The following DNM1 variants were observed in gnomAD, a reference collection of about 807,000 sequenced individuals.
DNM1 encodes dynamin 1.
A neutral mutation model predicts 104.6 loss-of-function variants in DNM1; 29 were observed. The ratio of observed to expected loss-of-function variants is 0.28; its 90% CI spans 0.21 to 0.38. The LOEUF is 0.38. Among genes scored for constraint, DNM1 ranks in the 10% least tolerant of loss-of-function variants. The pLI is 1.00. For missense variants in DNM1, 640 were observed against 1,189.4 expected, an observed-to-expected ratio of 0.54 and a Z score of 6.79; for synonymous variants, 445 against 475.8, an observed-to-expected ratio of 0.94 and a Z score of 0.84.
At chr9:128,234,503 G>A (rs1304213404) in intron 11 of DNM1, among the ~76,000 whole-genome samples, 1 of 151,708 alleles carries the variant, frequency 6.6e-6, no homozygotes, top group Non-Finnish European at 1.5e-5. Flanking sequence ...TAGCTGGGAG[G>A]CTACTGGGAG....
chr9:128,250,090 T>C, intron 19 of DNM1, 25 bp from the exon 20 acceptor site: 1 of 1,613,826 alleles, frequency 6.2e-7, no homozygotes, highest in Non-Finnish European at 8.5e-7. Context: ...GGTCCCCACC[T>C]CCTTCCCTCT....
chr9:128,244,554 G>T (rs553811217), intron 15 of DNM1, among the ~76,000 whole-genome samples: 5 of 123,840 alleles, frequency 4.0e-5, no homozygotes, highest in African/African-American at 1.6e-4. Flanking sequence ...AGTCTTCCTC[G>T]GCCACCCTTC....
intron 10 of DNM1, among the ~76,000 whole-genome samples, chr9:128,230,043 C>T (rs1374454598): frequency 4.6e-5 from 7 of 151,862 alleles, no homozygotes; most frequent in Non-Finnish European, 8.8e-5. Context: ...CATGGTGAAA[C>T]TCTGTCTCTA....
Position 128,254,504 on chromosome 9 carries a change from C to T in DNM1, c.2535-150C>T. 1 of 1,524,196 alleles carries T rather than the reference C, an allele frequency of 6.6e-7. No individual in the cohort carries two copies. The highest frequency in any genetic ancestry group is 1.4e-5 in the African/African-American group (1 of 71,860). The allele number at this position is 1,524,196 out of a possible 1,614,324, so 94.4% of individuals were successfully genotyped here. A position where few individuals can be genotyped will look rare whatever the true frequency, so the allele number is the denominator to read the frequency against. On this transcript the variant is annotated intron_variant, in intron 21 of 21. Transcript: ENST00000372923. The surrounding 1 kb of genome is among the most constrained non-coding windows in gnomAD (Gnocchi z 6.1). ...CCCTTCCAGCCCCTTTTCCAGGAACCTTGCCACACCCACACCTGCAGCCTC... is the reference window on the plus strand; with the variant it reads ...CCCTTCCAGCCCCTTTTCCAGGAACTTTGCCACACCCACACCTGCAGCCTC...
At chr9:128,217,521 A>G (rs781439042) in intron 1 of DNM1, among the ~76,000 whole-genome samples, 1 of 152,092 alleles carries the variant, frequency 6.6e-6, no homozygotes, top group Non-Finnish European at 1.5e-5. Flanking sequence ...GGTTCAAACA[A>G]TTCTCCTGCC....
intron 4 of DNM1, 111 bp downstream of exon 4, chr9:128,219,363 T>C (rs912007736): frequency 1.0e-6 from 1 of 992,550 alleles, no homozygotes; most frequent in Non-Finnish European, 1.5e-6. Context: ...GGATCAGATT[T>C]GTACCTTTAA....
At chr9:128,233,741 A>G in intron 10 of DNM1, 1 of 512,690 alleles carries the variant, frequency 2.0e-6, no homozygotes, top group Non-Finnish European at 3.5e-6. Flanking sequence ...TCCCACGGGA[A>G]CCACCCCTCT....
intron 1 of DNM1, among the ~76,000 whole-genome samples, chr9:128,212,421 G>T (rs1834355740): frequency 1.3e-5 from 2 of 152,246 alleles, no homozygotes; most frequent in Middle Eastern, 3.4e-3. Flanking sequence ...GCTGCAATGA[G>T]CTATGATCGT....
chr9:128,252,846 T>C, intron 21 of DNM1: 1 of 680,404 alleles, frequency 1.5e-6, no homozygotes, highest in Non-Finnish European at 2.7e-6. Flanking sequence ...TGCTTCAGTG[T>C]GCTGAGTGGC....
chr9:128,245,862 CACAA>C lies in DNM1; in HGVS notation c.1672-528_1672-525del, dbSNP rs529567401. Among the ~76,000 whole-genome samples the C allele has an allele frequency of 4.6e-5, 7 of 152,336 alleles. No homozygotes were observed. Among genetic ancestry groups the C allele is most frequent in the South Asian group, 2.1e-4 (1 of 4,830 alleles). On this transcript the variant is annotated intron_variant, in intron 15 of 21. Transcript: ENST00000372923. The surrounding 1 kb of genome is among the most constrained non-coding windows in gnomAD (Gnocchi z 5.2). ...ATGTACTTGGGCTTGCATGTGTTGGCACAAACACACAACTACACACATGTTGCAC... is the reference window on the plus strand; with the variant it reads ...ATGTACTTGGGCTTGCATGTGTTGGCACACACAACTACACACATGTTGCAC...
At chr9:128,239,320 G>T in intron 11 of DNM1, 125 bp from the exon 12 acceptor site, 3 of 727,240 alleles carry the variant, frequency 4.1e-6, no homozygotes, top group Non-Finnish European at 7.3e-6. Context: ...TGATGGTAGG[G>T]ACTATATTTA....
In DNM1 at chr9:128,203,728, G is replaced by A. The variant is rs1833641188; in HGVS notation, c.161+97G>A. The A allele has an allele frequency of 1.7e-6, 2 of 1,177,322 alleles. No individual in the cohort carries two copies. The highest frequency in any genetic ancestry group is 2.1e-6 in the Non-Finnish European group (2 of 934,522). 72.9% of individuals were successfully genotyped at this position (1,177,322 alleles called of 1,614,324 possible). ...ACGGCGCGGCGACCTCGCAGCCCCC[G>A]ACGCTGCACCCGCGGCCGGCGCGCC... On this transcript the variant is annotated intron_variant, in intron 1 of 21. Coordinates refer to ENST00000372923, the MANE Select transcript of DNM1 (RefSeq NM_004408.4). The surrounding 1 kb of genome is among the most constrained non-coding windows in gnomAD (Gnocchi z 5.3).
chr9:128,239,808 G>A (rs201862837), intron 13 of DNM1, 29 bp downstream of exon 13: 480 of 1,607,258 alleles, frequency 3.0e-4, no homozygotes, highest in Non-Finnish European at 3.7e-4. Flanking sequence ...CCCAGCCCGA[G>A]GGATGGAGGG....
chr9:128,247,984 C>T lies in DNM1; in HGVS notation c.1905+49C>T. The T allele has an allele frequency of 1.2e-6, 2 of 1,611,920 alleles. No individual in the cohort carries two copies. The highest frequency in any genetic ancestry group is 1.7e-6 in the Non-Finnish European group (2 of 1,178,014). ...CCTGCCAGGCATCTGCAGCCTGGCA[C>T]CAGCTCCAGCCAGGTTTTCAAGCAA... On this transcript the variant is annotated intron_variant, in intron 18 of 21. Transcript: ENST00000372923. This position sits in a 1 kb window ranked among gnomAD's most constrained non-coding sequence, Gnocchi z 5.1.
In DNM1 at chr9:128,243,636, T is replaced by A. The variant is rs1836543404; in HGVS notation, c.1671+1291T>A. ...CATGGGGTGCGGGTGGGGGGTGGCTTCCTGCCGGTCTCTCTGCAGGCTCCC... is the reference window on the plus strand; with the variant it reads ...CATGGGGTGCGGGTGGGGGGTGGCTACCTGCCGGTCTCTCTGCAGGCTCCC... On this transcript the variant is annotated intron_variant, in intron 15 of 21. Coordinates refer to ENST00000372923, the MANE Select transcript of DNM1 (RefSeq NM_004408.4). This position sits in a 1 kb window ranked among gnomAD's most constrained non-coding sequence, Gnocchi z 4.0. Among the ~76,000 whole-genome samples, 1 of 152,122 alleles carries A rather than the reference T, an allele frequency of 6.6e-6. No homozygotes were observed. Among genetic ancestry groups the A allele is most frequent in the East Asian group, 1.9e-4 (1 of 5,172 alleles).
At chr9:128,206,064 C>G (rs1452603384) in intron 1 of DNM1, among the ~76,000 whole-genome samples, 1 of 152,170 alleles carries the variant, frequency 6.6e-6, no homozygotes, top group Non-Finnish European at 1.5e-5. Flanking sequence ...AACTGAGGCT[C>G]AGTGGGTTCC....
intron 10 of DNM1, among the ~76,000 whole-genome samples, chr9:128,226,512 C>T (rs1453412597): frequency 6.6e-6 from 1 of 152,228 alleles, no homozygotes; most frequent in East Asian, 1.9e-4. Context: ...CTCAACCACC[C>T]TAAGACGTGG....
chr9:128,222,356 T>A lies in DNM1; in HGVS notation c.992+17T>A. The A allele has an allele frequency of 6.2e-7, 1 of 1,610,242 alleles. No homozygotes were observed. The highest frequency in any genetic ancestry group is 8.5e-7 in the Non-Finnish European group (1 of 1,177,458). On this transcript the variant is annotated intron_variant, in intron 7 of 21. Coordinates refer to ENST00000372923, the MANE Select transcript of DNM1 (RefSeq NM_004408.4). The surrounding 1 kb of genome is among the most constrained non-coding windows in gnomAD (Gnocchi z 7.8). ...CCTGCTGCAGTGAGGCTCCCCCAGC[T>A]CCTATCACTGAATCCCCGCCCCCAG...
intron 1 of DNM1, among the ~76,000 whole-genome samples, chr9:128,208,694 G>A (rs1482846594): frequency 6.6e-6 from 1 of 151,792 alleles, no homozygotes; most frequent in East Asian, 1.9e-4. Context: ...CCTGCTTGGG[G>A]AGGCTTGCGG....
Sources: gnomAD v4.1 joint callset for allele counts (sites outside exome capture counted in the v4.1 genomes callset) on GRCh38, gnomAD v4.1.1 for gene constraint, Gnocchi (gnomAD v3.1) non-coding constraint, MANE v1.5 for transcripts, NCBI Gene and HGNC (gene_info 2026-07-23, HGNC 2026-07-21) for gene names.